Variants in ARL17B observed in about 807,000 individuals in gnomAD.
ARL17B encodes the protein ADP-ribosylation factor-like protein 17.
chr17:46,286,890 C>CT (rs1395809619), intron 4 of ARL17B, among the ~76,000 whole-genome samples: 1 of 152,246 alleles, frequency 6.6e-6, no homozygotes, highest in African/African-American at 2.4e-5. Context: ...CATCCATTTT[C>CT]TTAGCCTCCT....
chr17:46,357,263 T>G (rs1319727251), intron 2 of ARL17B, among the ~76,000 whole-genome samples: 1 of 97,130 alleles, frequency 1.0e-5, no homozygotes, highest in Non-Finnish European at 2.0e-5. Context: ...ACATGCCACC[T>G]GTGGGGTGTA....
In ARL17B at chr17:46,280,098, C is replaced by T. The variant is rs537969736; in HGVS notation, c.*22-4680G>A. Among the ~76,000 whole-genome samples the T allele has an allele frequency of 6.5e-4, 99 of 152,302 alleles. 1 individual carries two copies. Among genetic ancestry groups the T allele is most frequent in the African/African-American group, 2.3e-3 (95 of 41,552 alleles). ...AAATAAATAAAAATGTCTGGCCAGG[C>T]GCGGTGGCTCACATCTGTAATCCCA... is the stretch of plus-strand genomic sequence containing the variant. On this transcript the variant is annotated intron_variant, in intron 4 of 4. Transcript: ENST00000570618.
Position 46,335,358 on chromosome 17 carries a change from G to A in ARL17B, c.*4142C>T, listed in dbSNP as rs1226299574. On this transcript the variant is annotated 3_prime_UTR_variant, in exon 4 of 4. Transcript: ENST00000450673. ...GGCGGTATCCTAGAACCAATCCCCC[G>A]CAAGATAGCAAGGATGACTGAACTA... Among the ~76,000 whole-genome samples the A allele has an allele frequency of 1.3e-4, 5 of 38,494 alleles. No individual in the cohort carries two copies. The highest frequency in any genetic ancestry group is 1.9e-4 in the African/African-American group (5 of 26,522). The allele number at this position is 38,494 out of a possible 152,430, so 25.3% of individuals were successfully genotyped here.
intron 3 of ARL17B, among the ~76,000 whole-genome samples, chr17:46,305,007 T>C (rs2050479735): frequency 1.2e-5 from 1 of 84,428 alleles, no homozygotes; most frequent in Non-Finnish European, 3.0e-5. Flanking sequence ...CAGCTAGGAC[T>C]ACAGGCACGT....
chr17:46,279,473 C>T (rs1473612502), intron 4 of ARL17B, among the ~76,000 whole-genome samples: 1 of 151,014 alleles, frequency 6.6e-6, no homozygotes, highest in Non-Finnish European at 1.5e-5. Context: ...CATGAGCCAC[C>T]GCACCTGGCC....
intron 4 of ARL17B, among the ~76,000 whole-genome samples, chr17:46,286,083 A>G (rs982632659): frequency 6.6e-6 from 1 of 152,120 alleles, no homozygotes; most frequent in African/African-American, 2.4e-5. Flanking sequence ...ATCATGGCCA[A>G]TAAAAAATCT....
rs1174806072 is a variant in ARL17B at position 46,279,409 on chromosome 17, C to T, written c.*22-3991G>A. 9.9e-5 allele frequency among the ~76,000 whole-genome samples: 15 copies of T among 151,898 alleles called. No individual in the cohort carries two copies. The East Asian group carries it at 2.7e-3, about 28-fold the overall frequency. ...ATGTTGTCCAGGCTGGTCTTGAACT[C>T]CCGACCTCAGGTGATCCATCCACCT... On this transcript the variant is annotated intron_variant, in intron 4 of 4. Coordinates refer to the ARL17B transcript ENST00000570618.
intron 3 of ARL17B, among the ~76,000 whole-genome samples, chr17:46,317,147 G>A (rs1319530464): frequency 1.5e-4 from 13 of 89,602 alleles, no homozygotes; most frequent in African/African-American, 3.0e-4. Context: ...AGATGGGGTG[G>A]CGGCCGGGCA....
chr17:46,280,060 G>GT (rs201816852), intron 4 of ARL17B, among the ~76,000 whole-genome samples: 16,669 of 149,126 alleles, frequency 0.11, no homozygotes, highest in Non-Finnish European at 0.17. Context: ...TGAACCTCTT[G>GT]TTTTCTGAAC....
At chr17:46,308,113 A>G (rs1293322683) in intron 3 of ARL17B, among the ~76,000 whole-genome samples, 1 of 63,646 alleles carries the variant, frequency 1.6e-5, no homozygotes, top group African/African-American at 3.9e-5. Flanking sequence ...ATCACAGTTG[A>G]TAAAAATTAA....
intron 4 of ARL17B, among the ~76,000 whole-genome samples, chr17:46,287,759 T>G (rs540425994): frequency 6.6e-6 from 1 of 152,198 alleles, no homozygotes; most frequent in Non-Finnish European, 1.5e-5. Flanking sequence ...GATGCAAAGA[T>G]AGTTATCCAG....
At chr17:46,278,819 C>T (rs758256061) in intron 4 of ARL17B, among the ~76,000 whole-genome samples, 2 of 151,380 alleles carry the variant, frequency 1.3e-5, no homozygotes, top group Non-Finnish European at 2.9e-5. Flanking sequence ...TTTTTTGACA[C>T]GGAATTTTGC....
chr17:46,340,223 T>C (rs1326818944), intron 3 of ARL17B, among the ~76,000 whole-genome samples: 1 of 84,464 alleles, frequency 1.2e-5, no homozygotes, highest in Non-Finnish European at 3.4e-5. Context: ...TTTCTTTTTT[T>C]TTTTCTTTTA....
At chr17:46,292,185 G>A (rs572990254) in intron 4 of ARL17B, among the ~76,000 whole-genome samples, 2 of 78,364 alleles carry the variant, frequency 2.6e-5, no homozygotes, top group Non-Finnish European at 3.8e-5. Flanking sequence ...TACAAAAATT[G>A]GCTGGGTGTG....
At chr17:46,276,850 C>T (rs1247376907) in intron 4 of ARL17B, among the ~76,000 whole-genome samples, 1 of 143,152 alleles carries the variant, frequency 7.0e-6, no homozygotes, top group East Asian at 2.1e-4. Context: ...GTAGCCCAGT[C>T]TGGAGTGCAG....
rs1555613422 is a variant in ARL17B at position 46,291,985 on chromosome 17, A to AACAAAAAAAC, written c.*21+7540_*21+7541insGTTTTTTTGT. ...CTCAAAAAGCAAAAAAAAAAAAAAA[A>AACAAAAAAAC]AAGCCAATAAAATCAATGGTCTAAT... On this transcript the variant is annotated intron_variant, in intron 4 of 4. Transcript: ENST00000570618. 2.9e-4 allele frequency among the ~76,000 whole-genome samples: 22 copies of AACAAAAAAAC among 76,668 alleles called. No individual in the cohort carries two copies. The South Asian group carries it at 4.8e-3, about 17-fold the overall frequency. 50.3% of individuals were successfully genotyped at this position (76,668 alleles called of 152,430 possible). A position where few individuals can be genotyped will look rare whatever the true frequency, so the allele number is the denominator to read the frequency against.
intron 4 of ARL17B, chr17:46,294,114 G>A (rs988292364): frequency 3.3e-5 from 3 of 91,716 alleles, no homozygotes; most frequent in African/African-American, 9.0e-5. Flanking sequence ...TCGAACTTCT[G>A]ACCTCAGTGA....
Position 46,338,175 on chromosome 17 carries a change from T to G in ARL17B, c.*1325A>C. Among the ~76,000 whole-genome samples, 1 of 52,314 alleles carries G rather than the reference T, an allele frequency of 1.9e-5. No homozygotes were observed. Among genetic ancestry groups the G allele is most frequent in the African/African-American group, 6.9e-5 (1 of 14,406 alleles). The allele number at this position is 52,314 out of a possible 152,430, so 34.3% of individuals were successfully genotyped here. On this transcript the variant is annotated 3_prime_UTR_variant, in exon 4 of 4. Transcript: ENST00000450673. ...AAGGGATGGTTTAGAAGAAGGGAAGTGGAAGAAAAGTTTTCTGAGCTGACA... is the reference window on the plus strand; with the variant it reads ...AAGGGATGGTTTAGAAGAAGGGAAGGGGAAGAAAAGTTTTCTGAGCTGACA...
At chr17:46,276,227 T>C (rs572756176) in intron 4 of ARL17B, among the ~76,000 whole-genome samples, 1 of 152,366 alleles carries the variant, frequency 6.6e-6, no homozygotes, top group East Asian at 1.9e-4. Context: ...TACTGTACAG[T>C]TACCAGGACT....
Sources: gnomAD v4.1 joint callset for allele counts (sites outside exome capture counted in the v4.1 genomes callset) on GRCh38, gnomAD v4.1.1 for gene constraint, MANE v1.5 for transcripts, NCBI Gene and HGNC (gene_info 2026-07-23, HGNC 2026-07-21) for gene names.